The following THSD7B variants were observed in gnomAD, a reference collection of about 807,000 sequenced individuals.
THSD7B encodes thrombospondin type-1 domain-containing protein 7B.
THSD7B carries 138 observed loss-of-function variants against 213.6 expected under a neutral mutation model. The ratio of observed to expected loss-of-function variants is 0.65; its 90% CI spans 0.56 to 0.74. The LOEUF (loss-of-function observed/expected upper bound fraction) is 0.74, where lower values mean the gene tolerates loss of function less well. Among genes scored for constraint, THSD7B ranks in the 30% least tolerant of loss-of-function variants. THSD7B has a pLI of 0.00. For synonymous variants in THSD7B, 742 were observed against 687.0 expected, an observed-to-expected ratio of 1.08 and a Z score of -1.25; for missense variants, 1,931 against 1,991.5, an observed-to-expected ratio of 0.97 and a Z score of 0.58.
chr2:137,363,359 T>A lies in THSD7B; in HGVS notation c.2501-42254T>A, dbSNP rs560210986. Among the ~76,000 whole-genome samples, 70 of 152,082 alleles carry A rather than the reference T, an allele frequency of 4.6e-4. 1 individual carries two copies. The South Asian group carries it at 1.0e-2, about 22-fold the overall frequency. ...AGCAAGAGCAAACAAATTCAAAAGC[T>A]AGCAGAAGGCAAGAAATAACTAAGA... On this transcript the variant is annotated intron_variant, in intron 12 of 27. Transcript: ENST00000409968.
At chr2:136,938,753 G>A (rs1053909636) in intron 2 of THSD7B, among the ~76,000 whole-genome samples, 1 of 152,132 alleles carries the variant, frequency 6.6e-6, no homozygotes, top group East Asian at 1.9e-4. Flanking sequence ...CTTTTGAAAG[G>A]AAAAATAAGA....
chr2:136,925,393 T>G (rs1439054259), intron 2 of THSD7B, among the ~76,000 whole-genome samples: 3 of 152,234 alleles, frequency 2.0e-5, no homozygotes, highest in African/African-American at 7.2e-5. Context: ...GGATGTTATA[T>G]TTTTTCAAAT....
intron 14 of THSD7B, among the ~76,000 whole-genome samples, chr2:137,446,883 G>T (rs189834869): frequency 1.8e-4 from 28 of 152,184 alleles, no homozygotes; most frequent in African/African-American, 5.5e-4. Flanking sequence ...GACTTCTGCA[G>T]TTAGAAATTA....
rs1297409359 is a variant in THSD7B at position 137,056,847 on chromosome 2, C to T, written c.567C>T (p.Ser189=). The part of the protein sequence containing the change: ...DCVVSEFLPW[S]NCSKGCGKKL... ...TAGTATCTGAGTTCTTACCATGGTC[C>T]AACTGTAGCAAGGGATGTGGGAAGA... Residue 189 remains serine (S), a synonymous_variant, in exon 3 of 28, where the codon TCC becomes TCT. Coordinates refer to ENST00000409968, the MANE Select transcript of THSD7B (RefSeq NM_001316349.2). The T allele has an allele frequency of 6.2e-7, 1 of 1,613,924 alleles. No individual in the cohort carries two copies. Among genetic ancestry groups the T allele is most frequent in the African/African-American group, 1.3e-5 (1 of 75,022 alleles).
chr2:136,923,818 G>A (rs571925564), intron 2 of THSD7B, among the ~76,000 whole-genome samples: 9 of 152,058 alleles, frequency 5.9e-5, no homozygotes, highest in East Asian at 1.9e-4. Flanking sequence ...TATTGTTATC[G>A]TGTTATAGAA....
At chr2:137,057,304 G>T (rs1261177631) in intron 3 of THSD7B, 74 bp downstream of exon 3, 4 of 1,353,552 alleles carry the variant, frequency 3.0e-6, no homozygotes, top group Non-Finnish European at 4.0e-6. Flanking sequence ...GCTTCTTTAT[G>T]ATTTTCTACA....
At chr2:137,463,423 T>G (rs1193256716) in intron 15 of THSD7B, among the ~76,000 whole-genome samples, 1 of 152,068 alleles carries the variant, frequency 6.6e-6, no homozygotes, top group Non-Finnish European at 1.5e-5. Flanking sequence ...CTTCTCTTTT[T>G]CTGGGAGTCT....
chr2:137,039,724 A>G (rs1255739215), intron 2 of THSD7B, among the ~76,000 whole-genome samples: 4 of 152,248 alleles, frequency 2.6e-5, no homozygotes, highest in African/African-American at 9.6e-5. Context: ...ACAGTGCTGA[A>G]TGGCAAAATC....
intron 10 of THSD7B, among the ~76,000 whole-genome samples, chr2:137,262,751 T>A (rs1682481603): frequency 6.6e-6 from 1 of 152,208 alleles, no homozygotes; most frequent in South Asian, 2.1e-4. Context: ...CTTCTTTAGT[T>A]GTGCTAAATC....
intron 2 of THSD7B, among the ~76,000 whole-genome samples, chr2:136,915,833 G>T (rs1319682522): frequency 6.6e-6 from 1 of 152,152 alleles, no homozygotes; most frequent in African/African-American, 2.4e-5. Context: ...ATAAGATCTG[G>T]TATTAAATTC....
intron 14 of THSD7B, among the ~76,000 whole-genome samples, chr2:137,448,833 C>A (rs577630375): frequency 9.4e-5 from 14 of 149,090 alleles, no homozygotes; most frequent in South Asian, 4.2e-4. Flanking sequence ...ACAACAACAA[C>A]AACAAAAACT....
At chr2:137,503,011 A>T (rs1189793819) in intron 15 of THSD7B, among the ~76,000 whole-genome samples, 4 of 152,228 alleles carry the variant, frequency 2.6e-5, no homozygotes, top group African/African-American at 9.6e-5. Flanking sequence ...GTCAACAGTC[A>T]TAAGTCTTTC....
chr2:137,369,188 T>C (rs1011332206), intron 12 of THSD7B, among the ~76,000 whole-genome samples: 4 of 151,992 alleles, frequency 2.6e-5, no homozygotes, highest in Admixed American at 2.6e-4. Context: ...CTTTAGACAC[T>C]ATTTGGCATT....
chr2:136,907,727 TA>T (rs1392166641), intron 2 of THSD7B, among the ~76,000 whole-genome samples: 4 of 152,228 alleles, frequency 2.6e-5, no homozygotes, highest in Non-Finnish European at 5.9e-5. Flanking sequence ...GAAGCTGAAG[TA>T]ATAATTATGG....
At position 137,044,576 on chromosome 2, in the gene THSD7B, A is replaced by G. The variant is rs149133062; in HGVS notation, c.140-11844A>G. ...CCCTGTGCATATTATGTTTTTTCCTATATACATACCTATGATAAAGTTTAA... is the reference window on the plus strand; with the variant it reads ...CCCTGTGCATATTATGTTTTTTCCTGTATACATACCTATGATAAAGTTTAA... On this transcript the variant is annotated intron_variant, in intron 2 of 27. Transcript: ENST00000409968. Among the ~76,000 whole-genome samples, 4 of 152,260 alleles carry G rather than the reference A, an allele frequency of 2.6e-5. No homozygotes were observed. The East Asian group carries it at 7.7e-4, about 29-fold the overall frequency.
At chr2:137,075,751 CA>C (rs1482235362) in intron 3 of THSD7B, among the ~76,000 whole-genome samples, 1 of 152,162 alleles carries the variant, frequency 6.6e-6, no homozygotes, top group Non-Finnish European at 1.5e-5. Flanking sequence ...TGGTGACATA[CA>C]GATGGGTTTT....
At chr2:137,296,972 A>C (rs1683481019) in intron 12 of THSD7B, among the ~76,000 whole-genome samples, 1 of 151,818 alleles carries the variant, frequency 6.6e-6, no homozygotes, top group Non-Finnish European at 1.5e-5. Flanking sequence ...TATGTGGTTC[A>C]TATTTATTGC....
chr2:137,282,780 C>T (rs1366261854), intron 12 of THSD7B, among the ~76,000 whole-genome samples: 7 of 152,088 alleles, frequency 4.6e-5, no homozygotes, highest in Non-Finnish European at 1.0e-4. Flanking sequence ...GTTTTGGTAC[C>T]AGTGCCATGC....
At chr2:136,923,600 T>C (rs1684472843) in intron 2 of THSD7B, among the ~76,000 whole-genome samples, 2 of 152,208 alleles carry the variant, frequency 1.3e-5, no homozygotes, top group Non-Finnish European at 2.9e-5. Flanking sequence ...CCAATTTCTC[T>C]CCATCTTCAT....
Sources: allele counts gnomAD v4.1 joint callset (sites outside exome capture counted in the v4.1 genomes callset), GRCh38; gene constraint gnomAD v4.1.1; transcripts MANE v1.5; gene names NCBI Gene and HGNC (gene_info 2026-07-23, HGNC 2026-07-21).